Variants in MSH4 observed in about 807,000 individuals in gnomAD.
MSH4 encodes mutS homolog 4.
A neutral mutation model predicts 113.7 loss-of-function variants in MSH4; 106 were observed. That is an observed-to-expected ratio of 0.93 (90% confidence interval 0.80 to 1.10). MSH4 has a LOEUF of 1.10. Among genes scored for constraint, MSH4 ranks in the 50% least tolerant of loss-of-function variants. The pLI is 0.00. For synonymous variants in MSH4, 368 were observed against 380.2 expected (o/e 0.97, Z 0.37); for missense variants, 1,061 against 1,093.7 (o/e 0.97, Z 0.42).
chr1:75,847,603 G>C (rs1463581655), intron 7 of MSH4, among the ~76,000 whole-genome samples: 1 of 152,158 alleles, frequency 6.6e-6, no homozygotes. Flanking sequence ...CCAGTGACTG[G>C]AAAGTCCAAG....
At chr1:75,841,586 T>C (rs1414623046) in intron 7 of MSH4, among the ~76,000 whole-genome samples, 1 of 152,140 alleles carries the variant, frequency 6.6e-6, no homozygotes, top group Non-Finnish European at 1.5e-5. Context: ...TGGCAGGAAA[T>C]GAGGATTGAG....
chr1:75,857,960 T>G (rs1045662217), intron 8 of MSH4, among the ~76,000 whole-genome samples: 8 of 152,176 alleles, frequency 5.3e-5, no homozygotes, highest in Non-Finnish European at 1.2e-4. Flanking sequence ...GGTTTGTAGC[T>G]CTCCTTGAAG....
At chr1:75,847,386 G>A (rs1429778837) in intron 7 of MSH4, among the ~76,000 whole-genome samples, 1 of 152,160 alleles carries the variant, frequency 6.6e-6, no homozygotes, top group Non-Finnish European at 1.5e-5. Context: ...AAGTTATGTG[G>A]TTAGTGGTTG....
At chr1:75,832,243 T>C (rs1650712384) in intron 7 of MSH4, among the ~76,000 whole-genome samples, 1 of 151,992 alleles carries the variant, frequency 6.6e-6, no homozygotes, top group Non-Finnish European at 1.5e-5. Flanking sequence ...CAGGAAGAAG[T>C]TGAATCTCTG....
Position 75,807,123 on chromosome 1 carries a change from C to T in MSH4, c.570C>T (p.Asp190=). 6.4e-7 allele frequency: 1 copy of T among 1,565,688 alleles called. No individual in the cohort carries two copies. Among genetic ancestry groups the T allele is most frequent in the Non-Finnish European group, 8.6e-7 (1 of 1,165,418 alleles). ...AAATTATACTATCCCAGTTTGCAGA[C>T]AACACAACATATGCAAAGGTAAGTA... is the stretch of plus-strand genomic sequence containing the variant. The part of the protein sequence containing the change: ...NPQIILSQFA[D]NTTYAKVITK... The change falls in exon 3 of 20, where the codon GAC becomes GAT. Residue 190 remains aspartate (D), a synonymous_variant. Transcript: ENST00000263187.
At chr1:75,852,526 C>T (rs2100549144) in intron 8 of MSH4, among the ~76,000 whole-genome samples, 1 of 152,324 alleles carries the variant, frequency 6.6e-6, no homozygotes, top group African/African-American at 2.4e-5. Context: ...GATTTCTCCA[C>T]ATCCTTGTCA....
Position 75,912,750 on chromosome 1 carries a change from G to T in MSH4, c.2674G>T (p.Ala892Ser). Residue 892 changes from alanine (A) to serine (S), a missense_variant, in exon 20 of 20, where the codon GCC becomes TCC. Physicochemically the swap from Ala to Ser is moderately conservative, Grantham distance 99. Transcript: ENST00000263187. ...AAGACAGAGAGCTGTGTACCATCTA[G>T]CCACTAGGCTTGTTCAAACTGCTCG... Reference protein sequence around the residue: ...MERQRAVYHLATRLVQTARNS... With the variant: ...MERQRAVYHLSTRLVQTARNS... The T allele has an allele frequency of 6.3e-7, 1 of 1,587,400 alleles. No homozygotes were observed. Among genetic ancestry groups the T allele is most frequent in the East Asian group, 2.4e-5 (1 of 42,448 alleles).
At chr1:75,819,388 G>A (rs1429305830) in intron 6 of MSH4, among the ~76,000 whole-genome samples, 1 of 152,166 alleles carries the variant, frequency 6.6e-6, no homozygotes, top group African/African-American at 2.4e-5. Context: ...TACTCAGGAG[G>A]CTGAGGCATG....
At chr1:75,836,832 A>C (rs1426110995) in intron 7 of MSH4, among the ~76,000 whole-genome samples, 1 of 152,170 alleles carries the variant, frequency 6.6e-6, no homozygotes, top group Non-Finnish European at 1.5e-5. Flanking sequence ...GGCTCTTCAA[A>C]GATATGTTCT....
chr1:75,888,628 T>C (rs1557526190), intron 15 of MSH4, among the ~76,000 whole-genome samples: 1 of 151,892 alleles, frequency 6.6e-6, no homozygotes, highest in African/African-American at 2.4e-5. Context: ...ATTTATTTTA[T>C]TTTTGACATA....
intron 7 of MSH4, among the ~76,000 whole-genome samples, chr1:75,846,310 TG>T (rs1301040719): frequency 1.3e-5 from 2 of 152,228 alleles, no homozygotes; most frequent in African/African-American, 4.8e-5. Context: ...ATACATTTTA[TG>T]TGGCCAGGCT....
At position 75,796,946 on chromosome 1, in the gene MSH4, A is replaced by G; in HGVS notation, c.-40A>G. ...AGTTGGGCTACTGGAGGGGTCGCTC[A>G]GAAACCTCATACTTCTCGGGTCAGG... On this transcript the variant is annotated 5_prime_UTR_variant, in exon 1 of 20. Transcript: ENST00000263187. 1.2e-6 allele frequency: 2 copies of G among 1,609,940 alleles called. No individual in the cohort carries two copies. Among genetic ancestry groups the G allele is most frequent in the Non-Finnish European group, 1.7e-6 (2 of 1,177,614 alleles).
At position 75,797,216 on chromosome 1, in the gene MSH4, C is replaced by G. The variant is rs1242140286; in HGVS notation, c.231C>G (p.Ser77=). 7 of 1,604,616 alleles carry G rather than the reference C, an allele frequency of 4.4e-6. No homozygotes were observed. In the East Asian group the frequency reaches 1.6e-4, roughly 36 times the overall value. The change falls in exon 1 of 20, where the codon TCC becomes TCG. Residue 77 remains serine (S), a synonymous_variant. Transcript: ENST00000263187. ...SSSLPCPAPN[S]RPAQGSYFGN... ...GCCTTCCCTGCCCCGCGCCAAACTC[C>G]CGGCCAGCTCAAGGCAAGGAGTGAT... is the stretch of plus-strand genomic sequence containing the variant.
chr1:75,815,167 A>G (rs1015298111), intron 5 of MSH4, 31 bp downstream of exon 5: 1 of 1,152,210 alleles, frequency 8.7e-7, no homozygotes, highest in Non-Finnish European at 1.2e-6. Flanking sequence ...TTTTTTTACT[A>G]GCCCACAGCT....
chr1:75,878,473 C>T (rs2100570341), intron 11 of MSH4, among the ~76,000 whole-genome samples, 155 bp downstream of exon 11: 1 of 152,234 alleles, frequency 6.6e-6, no homozygotes, highest in Non-Finnish European at 1.5e-5. Context: ...TTTAAGGAAA[C>T]AGCATATGTG....
Position 75,900,366 on chromosome 1 carries a change from A to G in MSH4, c.2619+660A>G, listed in dbSNP as rs1652480568. On this transcript the variant is annotated intron_variant, in intron 19 of 19. Transcript: ENST00000263187. ...ATCCAGGCTGGAGTGCAATGGCATG[A>G]TCTCGGCTCACTGCAACCTCCGCCT... Among the ~76,000 whole-genome samples, 3 of 152,040 alleles carry G rather than the reference A, an allele frequency of 2.0e-5. 1 individual carries two copies. In the South Asian group the frequency reaches 6.2e-4, roughly 31 times the overall value.
At chr1:75,894,133 A>G (rs1482929570) in intron 17 of MSH4, among the ~76,000 whole-genome samples, 1 of 152,178 alleles carries the variant, frequency 6.6e-6, no homozygotes, top group Non-Finnish European at 1.5e-5. Context: ...TAGGACAGAC[A>G]TTACGGCCCA....
chr1:75,892,035 G>C (rs1488991206), intron 17 of MSH4, among the ~76,000 whole-genome samples: 4 of 152,150 alleles, frequency 2.6e-5, no homozygotes, highest in African/African-American at 9.7e-5. Context: ...GATGAGATTA[G>C]AATTGGTAAA....
intron 9 of MSH4, among the ~76,000 whole-genome samples, chr1:75,870,991 G>T (rs1472827067): frequency 6.6e-6 from 1 of 152,134 alleles, no homozygotes; most frequent in Non-Finnish European, 1.5e-5. Context: ...TTATTAGTCT[G>T]TTTTCATACT....
Sources: allele counts gnomAD v4.1 joint callset (sites outside exome capture counted in the v4.1 genomes callset), GRCh38; gene constraint gnomAD v4.1.1; transcripts MANE v1.5; gene names NCBI Gene and HGNC (gene_info 2026-07-23, HGNC 2026-07-21).